Variants in RSRC2 observed in about 807,000 individuals in gnomAD.
RSRC2 encodes arginine and serine rich coiled-coil 2, also known as arginine/serine-rich coiled-coil protein 2.
RSRC2 carries 5 observed loss-of-function variants against 61.3 expected under a neutral mutation model. The ratio of observed to expected loss-of-function variants is 0.08; its 90% CI spans 0.04 to 0.17. The LOEUF (loss-of-function observed/expected upper bound fraction) is 0.17, where lower values mean the gene tolerates loss of function less well. Among genes scored for constraint, RSRC2 ranks in the 10% least tolerant of loss-of-function variants. The probability of loss-of-function intolerance (pLI) is 1.00; values close to 1 mark genes in which losing one functional copy is unlikely to be tolerated. For missense variants in RSRC2, 381 were observed against 518.8 expected (o/e 0.73, Z 2.58); for synonymous variants, 202 against 166.5 (o/e 1.21, Z -1.64).
chr12:122,509,478 A>AC (rs965168162), intron 7 of RSRC2, among the ~76,000 whole-genome samples: 139 of 151,986 alleles, frequency 9.1e-4, no homozygotes, highest in African/African-American at 3.3e-3. Flanking sequence ...AAAAACAAAA[A>AC]AAAACCCAAA....
Position 122,505,414 on chromosome 12 carries a change from A to G in RSRC2, c.*113T>C, listed in dbSNP as rs544754927. 6.7e-5 allele frequency: 64 copies of G among 954,452 alleles called. No individual in the cohort carries two copies. In the African/African-American group the frequency reaches 6.9e-4, roughly 10 times the overall value. 59.1% of individuals were successfully genotyped at this position (954,452 alleles called of 1,614,324 possible). ...TACAAAAATTTGTATTTTTCAATAA[A>G]TTAAAGTCAATGCAACACCCATGCA... is the stretch of plus-strand genomic sequence containing the variant. On this transcript the variant is annotated 3_prime_UTR_variant, in exon 10 of 10. Transcript: ENST00000331738.
intron 4 of RSRC2, among the ~76,000 whole-genome samples, chr12:122,518,246 G>A (rs1426605690): frequency 6.6e-6 from 1 of 151,708 alleles, no homozygotes; most frequent in South Asian, 2.1e-4. Flanking sequence ...GCTGCAGTGT[G>A]CTGAGAGCAC....
At position 122,522,024 on chromosome 12, in the gene RSRC2, AT is replaced by A. The variant is rs894547274; in HGVS notation, c.163+118del. Reference sequence around the variant, plus strand: ...TGCCTTGGCCTCCCAAAGTGCTGGCATTACAGGCTTGAGCCACCATGCCCAG... The same window carrying A: ...TGCCTTGGCCTCCCAAAGTGCTGGCATACAGGCTTGAGCCACCATGCCCAG... On this transcript the variant is annotated intron_variant, in intron 2 of 9. Transcript: ENST00000331738. 29 of 1,067,938 alleles carry A rather than the reference AT, an allele frequency of 2.7e-5. No individual in the cohort carries two copies. In the African/African-American group the frequency reaches 4.2e-4, roughly 16 times the overall value. The allele number at this position is 1,067,938 out of a possible 1,614,324, so 66.2% of individuals were successfully genotyped here. A position where few individuals can be genotyped will look rare whatever the true frequency, so the allele number is the denominator to read the frequency against.
At chr12:122,524,463 G>A (rs1959756282) in intron 1 of RSRC2, among the ~76,000 whole-genome samples, 1 of 152,092 alleles carries the variant, frequency 6.6e-6, no homozygotes, top group South Asian at 2.1e-4. Flanking sequence ...GACTAGAATC[G>A]AAAACAACCT....
chr12:122,511,603 T>C (rs1344583953), intron 6 of RSRC2, among the ~76,000 whole-genome samples: 1 of 152,246 alleles, frequency 6.6e-6, no homozygotes, highest in Non-Finnish European at 1.5e-5. Context: ...CGGATAATTT[T>C]TTATATTGTA....
At chr12:122,507,572 T>A (rs1958194618) in intron 8 of RSRC2, among the ~76,000 whole-genome samples, 1 of 152,106 alleles carries the variant, frequency 6.6e-6, no homozygotes, top group Non-Finnish European at 1.5e-5. Flanking sequence ...CCTTACTACT[T>A]CTATGGTAAT....
At chr12:122,514,893 G>GA in intron 6 of RSRC2, 1 of 682,812 alleles carries the variant, frequency 1.5e-6, no homozygotes, top group Non-Finnish European at 2.2e-6. Flanking sequence ...AATCATGAAG[G>GA]AAAAAACAGA....
At chr12:122,517,693 G>A (rs550147511) in intron 4 of RSRC2, among the ~76,000 whole-genome samples, 27 of 151,996 alleles carry the variant, frequency 1.8e-4, no homozygotes, top group Non-Finnish European at 1.5e-4. Context: ...TTAAGCTTCC[G>A]TTTAATACTC....
intron 1 of RSRC2, among the ~76,000 whole-genome samples, chr12:122,523,991 G>C (rs910115481): frequency 6.6e-6 from 1 of 152,148 alleles, no homozygotes; most frequent in Non-Finnish European, 1.5e-5. Context: ...TTAACTACCA[G>C]GGAGGCTCTC....
chr12:122,524,021 G>A (rs1959663019), intron 1 of RSRC2, among the ~76,000 whole-genome samples: 1 of 152,166 alleles, frequency 6.6e-6, no homozygotes, highest in Non-Finnish European at 1.5e-5. Context: ...TATTGTATAT[G>A]TACTTATTTC....
chr12:122,514,638 A>C, intron 6 of RSRC2: 1 of 1,048,508 alleles, frequency 9.5e-7, no homozygotes, highest in Non-Finnish European at 1.2e-6. Context: ...TACAAGATCA[A>C]ATAAATTAGC....
rs544286072 is a variant in RSRC2 at position 122,517,476 on chromosome 12, G to A, written c.399-46C>T. The A allele has an allele frequency of 1.2e-4, 186 of 1,610,646 alleles. 1 individual carries two copies. In the South Asian group the frequency reaches 1.3e-3, roughly 11 times the overall value. ...TTTGTAATTACTTAAAAGTTGTGTT[G>A]TTTCATTTATACACATCATGAATTA... On this transcript the variant is annotated intron_variant, in intron 4 of 9. Coordinates refer to ENST00000331738, the MANE Select transcript of RSRC2 (RefSeq NM_023012.6).
chr12:122,522,770 A>G (rs1264083039), intron 1 of RSRC2: 1 of 152,464 alleles, frequency 6.6e-6, no homozygotes, highest in East Asian at 1.9e-4. Flanking sequence ...TAAGAATATT[A>G]TAAAATAATA....
chr12:122,515,659 T>C (rs1184307513), intron 5 of RSRC2, among the ~76,000 whole-genome samples: 1 of 152,202 alleles, frequency 6.6e-6, no homozygotes, highest in Non-Finnish European at 1.5e-5. Flanking sequence ...AGTGAATTTG[T>C]AGATGTTTTT....
Position 122,515,175 on chromosome 12 carries a change from G to A in RSRC2, c.655C>T (p.Arg219Trp). Residue 219 changes from arginine (R) to tryptophan (W), a missense_variant, in exon 6 of 10, where the codon CGG (arginine) becomes TGG (tryptophan). Arg to Trp is a moderately radical substitution (Grantham distance 101). This residue lies in a region of RSRC2 where 266 missense variants were observed against 270.5 expected (regional missense o/e 0.98). Coordinates refer to ENST00000331738, the MANE Select transcript of RSRC2 (RefSeq NM_023012.6). Reference protein sequence around the residue: ...KPRRFSRSLSRTPSPPPFRGR... With the variant: ...KPRRFSRSLSWTPSPPPFRGR... ...CTGAAGGGAGGTGGACTTGGAGTCC[G>A]GCTTAAACTTCTGCTAAATCTTCTC... is the stretch of plus-strand genomic sequence containing the variant. 6.2e-7 allele frequency: 1 copy of A among 1,613,964 alleles called. No individual in the cohort carries two copies. Among genetic ancestry groups the A allele is most frequent in the Non-Finnish European group, 8.5e-7 (1 of 1,179,900 alleles).
At position 122,503,826 on chromosome 12, in the gene RSRC2, A is replaced by G. The variant is rs1183812977; in HGVS notation, c.*1701T>C. 6.6e-6 allele frequency: 1 copy of G among 152,184 alleles called. No homozygotes were observed. Among genetic ancestry groups the G allele is most frequent in the Non-Finnish European group, 1.5e-5 (1 of 68,048 alleles). 9.4% of individuals were successfully genotyped at this position (152,184 alleles called of 1,614,324 possible). A position where few individuals can be genotyped will look rare whatever the true frequency, so the allele number is the denominator to read the frequency against. On this transcript the variant is annotated 3_prime_UTR_variant, in exon 10 of 10. Coordinates refer to ENST00000331738, the MANE Select transcript of RSRC2 (RefSeq NM_023012.6). ...GCTAGGTGAAGTGGATCACACCTGTAACCCCATCACTTTGGGAGCCCTGAG... is the reference window on the plus strand; with the variant it reads ...GCTAGGTGAAGTGGATCACACCTGTGACCCCATCACTTTGGGAGCCCTGAG...
Position 122,508,246 on chromosome 12 carries a change from T to C in RSRC2, c.1007A>G (p.Lys336Arg). 6.2e-7 allele frequency: 1 copy of C among 1,614,186 alleles called. No individual in the cohort carries two copies. Among genetic ancestry groups the C allele is most frequent in the Non-Finnish European group, 8.5e-7 (1 of 1,179,996 alleles). Residue 336 changes from lysine to arginine, a missense_variant, in exon 8 of 10, where the codon AAA becomes AGA. Coordinates refer to ENST00000331738, the MANE Select transcript of RSRC2 (RefSeq NM_023012.6). ...MKFAEQEKKRKMLWQGKKEGD... is the reference protein window; with the variant it reads ...MKFAEQEKKRRMLWQGKKEGD... ...TTCTTTCTTGCCCTGCCAAAGCATT[T>C]TCCTTTTTTTCTCTTGTTCAGCAAA...
chr12:122,520,461 GATAT>G (rs1319574499), intron 3 of RSRC2: 1 of 1,042,240 alleles, frequency 9.6e-7, no homozygotes, highest in African/African-American at 1.6e-5. Context: ...ACTGATTTAA[GATAT>G]ATTTAAGGGA....
intron 1 of RSRC2, among the ~76,000 whole-genome samples, chr12:122,524,260 TC>T (rs1450693898): frequency 2.6e-5 from 4 of 152,338 alleles, no homozygotes; most frequent in Admixed American, 1.3e-4. Flanking sequence ...CTTTTTTTTT[TC>T]ATCGTTATCC....
Sources: gnomAD v4.1 joint callset for allele counts (sites outside exome capture counted in the v4.1 genomes callset) on GRCh38, gnomAD v4.1.1 for gene constraint, gnomAD v4.1.1 regional missense constraint, MANE v1.5 for transcripts, NCBI Gene and HGNC (gene_info 2026-07-23, HGNC 2026-07-21) for gene names.